YAF2: variants seen among roughly 807,000 people sequenced by gnomAD.
The protein encoded by YAF2 is YY1 associated factor 2.
A neutral mutation model predicts 20.1 loss-of-function variants in YAF2; 7 were observed. That is an observed-to-expected ratio of 0.35 (90% CI 0.20 to 0.65). The LOEUF (loss-of-function observed/expected upper bound fraction) is 0.65, where lower values mean the gene tolerates loss of function less well. YAF2 is among the 30% of genes least tolerant of loss of function. YAF2 has a pLI of 0.69. For synonymous variants in YAF2, 74 were observed against 76.0 expected (o/e 0.97, Z 0.14); for missense variants, 151 against 219.2 (o/e 0.69, Z 1.96).
chr12:42,181,485 A>G (rs897952759), intron 2 of YAF2, among the ~76,000 whole-genome samples: 1 of 152,166 alleles, frequency 6.6e-6, no homozygotes, highest in Admixed American at 6.5e-5. Context: ...CTCTTTGAAT[A>G]ACTGCTCCGG....
chr12:42,185,176 G>GCAAACAAA (rs3990969), intron 2 of YAF2, among the ~76,000 whole-genome samples: 19 of 151,334 alleles, frequency 1.3e-4, no homozygotes, highest in Admixed American at 5.9e-4. Flanking sequence ...AGACTTTGTC[G>GCAAACAAA]CAAACAAACA....
intron 2 of YAF2, among the ~76,000 whole-genome samples, chr12:42,223,133 G>C (rs2067572777): frequency 6.6e-6 from 1 of 152,018 alleles, no homozygotes; most frequent in Non-Finnish European, 1.5e-5. Flanking sequence ...ATTAATATTA[G>C]AGCCCACATT....
At chr12:42,210,900 G>A (rs1300623362) in intron 2 of YAF2, 1 of 303,452 alleles carries the variant, frequency 3.3e-6, no homozygotes, top group Non-Finnish European at 6.0e-6. Context: ...TATAATGGCT[G>A]CTATATTTTA....
chr12:42,171,846 C>T (rs1390847830), intron 2 of YAF2, among the ~76,000 whole-genome samples: 1 of 151,920 alleles, frequency 6.6e-6, no homozygotes, highest in Non-Finnish European at 1.5e-5. Context: ...TGCCTGTAGT[C>T]CCAGCTACCC....
At chr12:42,227,110 C>T (rs1011115667) in intron 2 of YAF2, among the ~76,000 whole-genome samples, 2 of 145,406 alleles carry the variant, frequency 1.4e-5, no homozygotes, top group Admixed American at 6.8e-5. Flanking sequence ...GGCAGCGGAG[C>T]TGTCTCAGTC....
intron 2 of YAF2, among the ~76,000 whole-genome samples, chr12:42,189,409 T>C (rs1466891289): frequency 6.6e-6 from 1 of 152,228 alleles, no homozygotes; most frequent in African/African-American, 2.4e-5. Flanking sequence ...TGCAGATATT[T>C]GAAATGTACT....
chr12:42,203,723 T>G (rs1246537124), intron 2 of YAF2, among the ~76,000 whole-genome samples: 1 of 152,222 alleles, frequency 6.6e-6, no homozygotes, highest in Non-Finnish European at 1.5e-5. Flanking sequence ...ATTAAAATTT[T>G]TATGTCTGTG....
At chr12:42,160,865 CT>C in intron 3 of YAF2, 39 bp from the exon 4 acceptor site, 1 of 1,530,574 alleles carries the variant, frequency 6.5e-7, no homozygotes, top group Non-Finnish European at 8.9e-7. Context: ...TAGCTTTTCC[CT>C]CTACCAAATT....
chr12:42,226,249 A>G (rs988257359), intron 2 of YAF2, among the ~76,000 whole-genome samples: 3 of 152,210 alleles, frequency 2.0e-5, no homozygotes, highest in Non-Finnish European at 4.4e-5. Context: ...ATAAATTTCA[A>G]CTATCTGAAA....
chr12:42,170,799 T>C (rs890366240), intron 2 of YAF2, among the ~76,000 whole-genome samples: 1 of 152,140 alleles, frequency 6.6e-6, no homozygotes, highest in Non-Finnish European at 1.5e-5. Context: ...TGAGCCGTGA[T>C]TGTGCCACTG....
At chr12:42,182,393 T>C (rs941015615) in intron 2 of YAF2, among the ~76,000 whole-genome samples, 2 of 152,202 alleles carry the variant, frequency 1.3e-5, no homozygotes, top group African/African-American at 4.8e-5. Context: ...ATCAATCAGC[T>C]TGTTATGTAA....
At chr12:42,174,197 A>ACTCACT (rs1355754990) in intron 2 of YAF2, among the ~76,000 whole-genome samples, 1 of 151,560 alleles carries the variant, frequency 6.6e-6, no homozygotes, top group Non-Finnish European at 1.5e-5. Context: ...AATTTTCTAT[A>ACTCACT]CTCACTCTAT....
At chr12:42,227,855 G>GC (rs1166637215) in intron 2 of YAF2, among the ~76,000 whole-genome samples, 2 of 135,760 alleles carry the variant, frequency 1.5e-5, no homozygotes, top group African/African-American at 2.8e-5. Flanking sequence ...GGGGGGGTCA[G>GC]CCCCCCGCCC....
intron 2 of YAF2, chr12:42,235,754 T>A: frequency 2.0e-6 from 3 of 1,535,368 alleles, no homozygotes; most frequent in Non-Finnish European, 2.6e-6. Context: ...AGCTTAGATG[T>A]ACTGGTAAAA....
intron 2 of YAF2, chr12:42,233,567 A>G (rs2068045221): frequency 1.2e-6 from 1 of 820,346 alleles, no homozygotes; most frequent in Non-Finnish European, 1.5e-6. Context: ...GCTGGAGTGC[A>G]GTGGTATGAT....
intron 2 of YAF2, among the ~76,000 whole-genome samples, chr12:42,163,972 G>T (rs1192526621): frequency 6.6e-6 from 1 of 152,074 alleles, no homozygotes; most frequent in Admixed American, 6.6e-5. Flanking sequence ...AGTTAACTCA[G>T]GAAATAAAGG....
intron 2 of YAF2, chr12:42,210,744 G>A (rs894406426): frequency 7.0e-7 from 1 of 1,428,412 alleles, no homozygotes; most frequent in Non-Finnish European, 9.3e-7. Context: ...AACTACAGAA[G>A]AAAGCATAAA....
intron 2 of YAF2, among the ~76,000 whole-genome samples, chr12:42,219,899 G>A (rs1028905050): frequency 1.3e-5 from 2 of 152,132 alleles, no homozygotes; most frequent in Non-Finnish European, 2.9e-5. Flanking sequence ...CACTTTGATA[G>A]CAACATCCTA....
chr12:42,195,129 T>C (rs1164999724), intron 2 of YAF2, among the ~76,000 whole-genome samples: 1 of 152,176 alleles, frequency 6.6e-6, no homozygotes. Flanking sequence ...AGTACTATTA[T>C]GGGAGAAGTC....
Sources: allele counts gnomAD v4.1 joint callset (sites outside exome capture counted in the v4.1 genomes callset), GRCh38; gene constraint gnomAD v4.1.1; transcripts MANE v1.5; gene names NCBI Gene and HGNC (gene_info 2026-07-23, HGNC 2026-07-21).